Variants in LYRM4 observed in about 807,000 individuals in gnomAD.
The protein encoded by LYRM4 is LYR motif-containing protein 4.
A neutral mutation model predicts 11.7 loss-of-function variants in LYRM4; 9 were observed. That is an observed-to-expected ratio of 0.77 (90% confidence interval 0.46 to 1.34). LYRM4 has a LOEUF of 1.34. Among genes scored for constraint, LYRM4 ranks in the 40% most tolerant of loss-of-function variants. The pLI, the probability that LYRM4 is intolerant of heterozygous loss-of-function variation, is 0.00. For synonymous variants in LYRM4, 42 were observed against 40.4 expected (o/e 1.04, Z -0.15); for missense variants, 133 against 112.5 (o/e 1.18, Z -0.82).
At chr6:5,152,243 C>T (rs73717702) in intron 2 of LYRM4, among the ~76,000 whole-genome samples, 15,342 of 152,124 alleles carry the variant, frequency 0.1, 959 homozygotes, top group South Asian at 0.23. Flanking sequence ...GCGGCAGACT[C>T]AGCTCTGTGT....
intron 2 of LYRM4, among the ~76,000 whole-genome samples, chr6:5,164,222 C>T (rs906779589): frequency 4.7e-4 from 71 of 152,280 alleles, no homozygotes; most frequent in Non-Finnish European, 1.8e-4. Context: ...TATGATCTAG[C>T]AATTCCATTC....
chr6:5,126,558 C>A (rs393055), intron 2 of LYRM4, among the ~76,000 whole-genome samples: 133,046 of 152,256 alleles, frequency 0.87, 58,270 homozygotes, highest in East Asian at 0.93. Flanking sequence ...AATTCACAAC[C>A]GCCAAGAAGT....
chr6:5,056,392 C>A, the LYRM4 span, among the ~76,000 whole-genome samples: 1 of 152,144 alleles, frequency 6.6e-6, no homozygotes, highest in African/African-American at 2.4e-5. Flanking sequence ...AACTGGATGT[C>A]ATTTCTTTAA....
chr6:5,240,222 TG>T (rs1763797883), intron 1 of LYRM4, among the ~76,000 whole-genome samples: 1 of 152,138 alleles, frequency 6.6e-6, no homozygotes, highest in Non-Finnish European at 1.5e-5. Flanking sequence ...TGACTCACTC[TG>T]GTAAAATCTC....
At chr6:5,120,238 T>C (rs1261234876) in intron 2 of LYRM4, among the ~76,000 whole-genome samples, 1 of 152,150 alleles carries the variant, frequency 6.6e-6, no homozygotes, top group Non-Finnish European at 1.5e-5. Context: ...CCCAAAGTCG[T>C]GGGCAGCTAG....
chr6:5,073,287 T>A, the LYRM4 span, among the ~76,000 whole-genome samples: 1 of 152,028 alleles, frequency 6.6e-6, no homozygotes, highest in Non-Finnish European at 1.5e-5. Flanking sequence ...CAAGAATCAT[T>A]TGAACCCGGG....
At chr6:5,088,869 A>G in the LYRM4 span, 1 of 152,182 alleles carries the variant, frequency 6.6e-6, no homozygotes, top group Non-Finnish European at 1.5e-5. Context: ...TCTTTCACCT[A>G]AAAAAATAGT....
At chr6:5,243,966 T>C (rs1269682929) in intron 1 of LYRM4, among the ~76,000 whole-genome samples, 2 of 152,258 alleles carry the variant, frequency 1.3e-5, no homozygotes, top group Non-Finnish European at 2.9e-5. Context: ...TACGTTCTTA[T>C]TTTTTAAAAG....
chr6:5,044,907 A>G, the LYRM4 span, among the ~76,000 whole-genome samples: 3 of 152,206 alleles, frequency 2.0e-5, no homozygotes, highest in East Asian at 5.8e-4. Context: ...TCTCCTGGGC[A>G]CGCAGGAAAG....
the LYRM4 span, among the ~76,000 whole-genome samples, chr6:5,057,815 G>A: frequency 6.6e-6 from 1 of 151,484 alleles, no homozygotes; most frequent in Non-Finnish European, 1.5e-5. Flanking sequence ...CAGGCGGAGT[G>A]CAGTGGTGCA....
At chr6:5,086,360 A>C in the LYRM4 span, 1 of 1,536,036 alleles carries the variant, frequency 6.5e-7, no homozygotes, top group Non-Finnish European at 8.7e-7. Flanking sequence ...GGGGATGCCA[A>C]GAAAGAGCCA....
downstream of LYRM4, among the ~76,000 whole-genome samples, chr6:5,102,106 A>T (rs1762524579): frequency 1.3e-5 from 2 of 148,712 alleles, no homozygotes; most frequent in African/African-American, 5.0e-5. Context: ...TTTTTTTTTT[A>T]AAGACATGTT....
At chr6:5,174,722 C>A (rs1168225669) in intron 2 of LYRM4, among the ~76,000 whole-genome samples, 2 of 151,960 alleles carry the variant, frequency 1.3e-5, no homozygotes, top group Non-Finnish European at 2.9e-5. Flanking sequence ...CTGGAAGGTC[C>A]CCAATACTAA....
At chr6:5,151,926 G>A (rs1323832811) in intron 2 of LYRM4, among the ~76,000 whole-genome samples, 2 of 152,144 alleles carry the variant, frequency 1.3e-5, no homozygotes, top group Non-Finnish European at 2.9e-5. Context: ...GGAGAATCCT[G>A]TGTGCCCCCA....
intron 2 of LYRM4, among the ~76,000 whole-genome samples, chr6:5,181,506 G>A (rs995269882): frequency 1.3e-5 from 2 of 152,006 alleles, no homozygotes; most frequent in African/African-American, 2.4e-5. Flanking sequence ...AAGACCCCAC[G>A]CGGGCCCATC....
In LYRM4 at chr6:5,233,062, C is replaced by T. The variant is rs78954587; in HGVS notation, c.87-16324G>A. Among the ~76,000 whole-genome samples, 1,282 of 152,326 alleles carry T rather than the reference C, an allele frequency of 8.4e-3. 25 individuals carry two copies. Among genetic ancestry groups the T allele is most frequent in the African/African-American group, 0.029 (1,213 of 41,574 alleles). On this transcript the variant is annotated intron_variant, in intron 1 of 2. Coordinates refer to ENST00000330636, the MANE Select transcript of LYRM4 (RefSeq NM_020408.6). ...GGGCTCTCATCCATGGATTAGCACA[C>T]AAAGTGAAGCCCCATCCCCAGCATT...
chr6:5,143,285 G>C (rs1757510602), intron 2 of LYRM4, among the ~76,000 whole-genome samples: 1 of 152,200 alleles, frequency 6.6e-6, no homozygotes, highest in African/African-American at 2.4e-5. Context: ...TATGCCTTCT[G>C]GCTCCAGTGA....
intron 2 of LYRM4, among the ~76,000 whole-genome samples, chr6:5,162,731 A>G (rs963554811): frequency 1.3e-5 from 2 of 152,232 alleles, no homozygotes; most frequent in African/African-American, 4.8e-5. Flanking sequence ...TTGTACTTTA[A>G]TGCAATCATA....
chr6:5,260,889 T>C lies in LYRM4; in HGVS notation c.-156A>G, dbSNP rs1031817287. 5 of 1,402,788 alleles carry C rather than the reference T, an allele frequency of 3.6e-6. No individual in the cohort carries two copies. The Admixed American group carries it at 9.2e-5, about 26-fold the overall frequency. 86.9% of individuals were successfully genotyped at this position (1,402,788 alleles called of 1,614,324 possible). ...GGGCCTAAGCCTAAGCGGGCAGCCCTGCGGATCGCGGACGGCGCCAGGCGT... is the reference window on the plus strand; with the variant it reads ...GGGCCTAAGCCTAAGCGGGCAGCCCCGCGGATCGCGGACGGCGCCAGGCGT... On this transcript the variant is annotated 5_prime_UTR_variant, in exon 1 of 3. Transcript: ENST00000330636.
Sources: gnomAD v4.1 joint callset for allele counts (sites outside exome capture counted in the v4.1 genomes callset) on GRCh38, gnomAD v4.1.1 for gene constraint, MANE v1.5 for transcripts, NCBI Gene and HGNC (gene_info 2026-07-23, HGNC 2026-07-21) for gene names.